HDX: variants seen among roughly 807,000 people sequenced by gnomAD.
HDX encodes chromosome X open reading frame 43.
HDX carries 19 observed loss-of-function variants against 45.2 expected under a neutral mutation model. That is an observed-to-expected ratio of 0.42 (90% CI 0.29 to 0.62). The LOEUF is 0.62. Among genes scored for constraint, HDX ranks in the 20% least tolerant of loss-of-function variants. HDX has a pLI of 0.20. For missense variants in HDX, 532 were observed against 493.9 expected, an observed-to-expected ratio of 1.08 and a Z score of -0.73; for synonymous variants, 188 against 172.8, an observed-to-expected ratio of 1.09 and a Z score of -0.69.
At chrX:84,339,350 C>T (rs140963853) in intron 7 of HDX, among the ~76,000 whole-genome samples, 9,300 of 110,843 alleles carry the variant, frequency 0.084, 398 homozygotes, top group East Asian at 0.26. Flanking sequence ...GCACTAGTGG[C>T]CTCAGAAGAG....
chrX:84,417,828 G>A (rs2039151305), intron 5 of HDX, among the ~76,000 whole-genome samples: 3 of 111,833 alleles, frequency 2.7e-5, no homozygotes, highest in Admixed American at 9.5e-5. Flanking sequence ...TGGGGCAGCT[G>A]TGGTCAACAC....
At chrX:84,478,908 A>G (rs1186684446) in intron 2 of HDX, among the ~76,000 whole-genome samples, 2 of 111,841 alleles carry the variant, frequency 1.8e-5, no homozygotes. Flanking sequence ...TAAAATCATC[A>G]TCAATTCAAA....
chrX:84,490,913 C>A (rs1015652027), intron 1 of HDX, among the ~76,000 whole-genome samples: 1 of 110,349 alleles, frequency 9.1e-6, no homozygotes, highest in Non-Finnish European at 1.9e-5. Flanking sequence ...CTACCATTGT[C>A]ATATTTGTTC....
intron 5 of HDX, among the ~76,000 whole-genome samples, chrX:84,400,943 G>A (rs2038689253): frequency 9.0e-6 from 1 of 111,642 alleles, no homozygotes; most frequent in Admixed American, 9.5e-5. Context: ...ACAAAAACAA[G>A]CAATGGGGAA....
chrX:84,362,521 A>G (rs967435117), intron 5 of HDX, among the ~76,000 whole-genome samples: 1 of 110,444 alleles, frequency 9.1e-6, no homozygotes, highest in Admixed American at 9.8e-5. Context: ...TAAAATATAT[A>G]TATCCTGCAA....
chrX:84,407,411 C>A (rs1245557372), intron 5 of HDX, among the ~76,000 whole-genome samples: 1 of 111,172 alleles, frequency 9.0e-6, no homozygotes, highest in Non-Finnish European at 1.9e-5. Flanking sequence ...TATAGCTATA[C>A]AATACTACAT....
rs191366702 is a variant in HDX at position 84,370,671 on chromosome X, G to A, written c.1306-9059C>T. On this transcript the variant is annotated intron_variant, in intron 5 of 10. Transcript: ENST00000373177. ...TCTAGAGTTTCAACTGACATTGCTCGGCTAACATTTTACTTGTCTTACAAG... is the reference window on the plus strand; with the variant it reads ...TCTAGAGTTTCAACTGACATTGCTCAGCTAACATTTTACTTGTCTTACAAG... Among the ~76,000 whole-genome samples, 640 of 111,765 alleles carry A rather than the reference G, an allele frequency of 5.7e-3. 6 individuals are homozygous for A. Among genetic ancestry groups the A allele is most frequent in the African/African-American group, 0.019 (586 of 30,765 alleles).
rs1268463907 is a variant in HDX at position 84,496,038 on chromosome X, A to G, written c.-110+6304T>C. Among the ~76,000 whole-genome samples, 20 of 111,819 alleles carry G rather than the reference A, an allele frequency of 1.8e-4. No homozygotes were observed. In the Admixed American group the frequency reaches 1.9e-3, roughly 11 times the overall value. ...ATTCTTCTGTAACACTCTGTTGAAA[A>G]GTCAAGTAATTAGGATAAATATCAT... On this transcript the variant is annotated intron_variant, in intron 1 of 10. Transcript: ENST00000373177.
At chrX:84,466,631 G>A (rs2040357405) in intron 4 of HDX, among the ~76,000 whole-genome samples, 1 of 112,302 alleles carries the variant, frequency 8.9e-6, no homozygotes, top group South Asian at 3.6e-4. Flanking sequence ...TAGAGACTGT[G>A]TAAAGGTAAA....
intron 7 of HDX, among the ~76,000 whole-genome samples, chrX:84,341,024 C>T (rs2037073984): frequency 9.0e-6 from 1 of 111,302 alleles, no homozygotes; most frequent in African/African-American, 3.3e-5. Context: ...CCTTCAACTA[C>T]TTATTTTCTA....
chrX:84,433,773 G>A (rs2089136599), intron 5 of HDX, among the ~76,000 whole-genome samples: 1 of 110,813 alleles, frequency 9.0e-6, no homozygotes, highest in African/African-American at 3.3e-5. Flanking sequence ...AGATTCCTGT[G>A]GGCCGTATAG....
intron 1 of HDX, among the ~76,000 whole-genome samples, chrX:84,501,808 A>T (rs777531591): frequency 6.3e-4 from 70 of 111,422 alleles, no homozygotes; most frequent in African/African-American, 2.1e-3. Flanking sequence ...CAGCACAGAA[A>T]TGGCTCAGCC....
intron 5 of HDX, among the ~76,000 whole-genome samples, chrX:84,421,190 A>G (rs775297903): frequency 8.9e-6 from 1 of 112,269 alleles, no homozygotes; most frequent in Non-Finnish European, 1.9e-5. Flanking sequence ...AAGAATAAAT[A>G]ATGAACCAAT....
chrX:84,354,812 C>A (rs1047139625), intron 6 of HDX, among the ~76,000 whole-genome samples: 1 of 105,019 alleles, frequency 9.5e-6, no homozygotes, highest in Non-Finnish European at 1.9e-5. Context: ...ATAGGGTGAT[C>A]TATATTTTTA....
intron 5 of HDX, among the ~76,000 whole-genome samples, chrX:84,391,497 G>A (rs1408231642): frequency 4.5e-5 from 1 of 22,096 alleles, no homozygotes; most frequent in African/African-American, 9.4e-5. Context: ...TGGGAGTGCT[G>A]CTATTAGTTT....
intron 5 of HDX, among the ~76,000 whole-genome samples, chrX:84,372,595 C>T (rs1219584568): frequency 1.8e-5 from 2 of 112,031 alleles, no homozygotes; most frequent in Non-Finnish European, 3.8e-5. Context: ...AATCTCATTG[C>T]ATTGTGTAAG....
intron 9 of HDX, among the ~76,000 whole-genome samples, chrX:84,329,295 G>C (rs540098512): frequency 9.0e-6 from 1 of 111,657 alleles, no homozygotes; most frequent in African/African-American, 3.3e-5. Context: ...TGGCCAAGAG[G>C]GGGGGTTCAT....
chrX:84,355,941 T>TA (rs770114309), intron 6 of HDX, among the ~76,000 whole-genome samples: 8 of 110,205 alleles, frequency 7.3e-5, no homozygotes, highest in Middle Eastern at 4.9e-3. Context: ...TTACCTTTGC[T>TA]AAATGAGTAA....
intron 2 of HDX, among the ~76,000 whole-genome samples, chrX:84,475,726 G>A (rs1156534226): frequency 8.9e-6 from 1 of 112,058 alleles, no homozygotes; most frequent in Admixed American, 9.5e-5. Context: ...AAATATTTAT[G>A]GCTAGTAAAG....
Sources: allele counts gnomAD v4.1 joint callset (sites outside exome capture counted in the v4.1 genomes callset), GRCh38; gene constraint gnomAD v4.1.1; transcripts MANE v1.5; gene names NCBI Gene and HGNC (gene_info 2026-07-23, HGNC 2026-07-21).